Variants in CDH18 observed in about 807,000 individuals in gnomAD.
The protein encoded by CDH18 is cadherin-18.
A neutral mutation model predicts 67.9 loss-of-function variants in CDH18; 31 were observed. The observed-to-expected ratio is 0.46, with a 90% CI of 0.34 to 0.62. The LOEUF (loss-of-function observed/expected upper bound fraction) is 0.62. CDH18 is among the 20% of genes least tolerant of loss of function. CDH18 has a pLI of 0.01. For missense variants in CDH18, 890 were observed against 975.5 expected (o/e 0.91, Z 1.17); for synonymous variants, 362 against 347.2 (o/e 1.04, Z -0.48).
intron 2 of CDH18, among the ~76,000 whole-genome samples, chr5:19,909,566 CATGAGCCA>C (rs1450682083): frequency 6.6e-6 from 1 of 151,972 alleles, no homozygotes; most frequent in Non-Finnish European, 1.5e-5. Context: ...CCCAAAGTGG[CATGAGCCA>C]CCACGCCCAG....
intron 2 of CDH18, among the ~76,000 whole-genome samples, chr5:20,079,312 GA>G: frequency 6.6e-6 from 1 of 152,188 alleles, no homozygotes; most frequent in South Asian, 2.1e-4. Context: ...GAGACCATAT[GA>G]TATTTGTCTC....
At chr5:19,675,090 G>A (rs942877351) in intron 5 of CDH18, among the ~76,000 whole-genome samples, 22 of 152,162 alleles carry the variant, frequency 1.4e-4, no homozygotes, top group African/African-American at 4.6e-4. Flanking sequence ...CCCCTGAGCC[G>A]TAAAACCAGC....
chr5:20,245,759 T>C lies in CDH18; in HGVS notation c.-518+9685A>G, dbSNP rs187310302. ...CACAATAAAAACCTGTAGAGCACTA[T>C]TGTAGCACAGAAATCCTTAGTATTT... is the stretch of plus-strand genomic sequence containing the variant. On this transcript the variant is annotated intron_variant, in intron 2 of 14. Transcript: ENST00000507958. Among the ~76,000 whole-genome samples, 343 of 152,230 alleles carry C rather than the reference T, an allele frequency of 2.3e-3. 3 individuals are homozygous for C. The highest frequency in any genetic ancestry group is 7.6e-3 in the African/African-American group (317 of 41,580).
In CDH18 at chr5:20,281,564, T is replaced by C. The variant is rs542800082; in HGVS notation, c.-579-26059A>G. On this transcript the variant is annotated intron_variant, in intron 1 of 14. Transcript: ENST00000507958. ...AGGGCTCTGTTCTTTTCCATTGGTC[T>C]ATATCTCTGTTTTGGTACCAGTACC... 1.6e-4 allele frequency among the ~76,000 whole-genome samples: 25 copies of C among 152,296 alleles called. 1 individual carries two copies. In the East Asian group the frequency reaches 2.5e-3, roughly 15 times the overall value.
At chr5:19,699,266 A>G (rs78379711) in intron 5 of CDH18, among the ~76,000 whole-genome samples, 1 of 152,136 alleles carries the variant, frequency 6.6e-6, no homozygotes, top group Non-Finnish European at 1.5e-5. Flanking sequence ...GTCTTATTCA[A>G]TGTTCCCAAA....
At chr5:20,491,891 G>A (rs1753607469) in intron 1 of CDH18, among the ~76,000 whole-genome samples, 2 of 151,746 alleles carry the variant, frequency 1.3e-5, no homozygotes, top group African/African-American at 4.8e-5. Context: ...TTAAATTATG[G>A]GCCTTTTCTT....
At chr5:20,011,939 A>G (rs762571287) in intron 2 of CDH18, among the ~76,000 whole-genome samples, 1 of 152,108 alleles carries the variant, frequency 6.6e-6, no homozygotes, top group Admixed American at 6.6e-5. Context: ...GTATCAGAAT[A>G]ATACTGGGCT....
intron 5 of CDH18, among the ~76,000 whole-genome samples, chr5:19,656,204 A>G (rs1273359090): frequency 6.6e-6 from 1 of 151,982 alleles, no homozygotes; most frequent in East Asian, 1.9e-4. Flanking sequence ...AACTCTTTTC[A>G]GTATTTTAAC....
chr5:20,408,051 T>C (rs1375640891), intron 1 of CDH18, among the ~76,000 whole-genome samples: 2 of 152,040 alleles, frequency 1.3e-5, no homozygotes, highest in Admixed American at 6.6e-5. Context: ...GGAATCTCCA[T>C]AACAATATCA....
chr5:19,969,610 C>T lies in CDH18; in HGVS notation c.-257+11450G>A, dbSNP rs551188246. Among the ~76,000 whole-genome samples, 269 of 150,232 alleles carry T rather than the reference C, an allele frequency of 1.8e-3. 1 individual carries two copies. The highest frequency in any genetic ancestry group is 6.2e-3 in the African/African-American group (251 of 40,660). On this transcript the variant is annotated intron_variant, in intron 2 of 12. Coordinates refer to ENST00000382275, the MANE Select transcript of CDH18 (RefSeq NM_004934.5). ...ATCACAAGGACAAAAAACCAAACGC[C>T]GCATGTTCTCACTCATAGGTGGGAA...
At chr5:20,093,628 TA>T (rs1374337260) in intron 2 of CDH18, among the ~76,000 whole-genome samples, 27 of 152,276 alleles carry the variant, frequency 1.8e-4, no homozygotes, top group Admixed American at 9.2e-4. Context: ...AATAAAGGTA[TA>T]AAACTAAATT....
chr5:19,996,597 C>T (rs1326929927), intron 2 of CDH18, among the ~76,000 whole-genome samples: 1 of 151,944 alleles, frequency 6.6e-6, no homozygotes, highest in East Asian at 1.9e-4. Context: ...TCTAACAATA[C>T]CATTTTCTTC....
chr5:19,891,237 T>C (rs1330739908), intron 2 of CDH18, among the ~76,000 whole-genome samples: 1 of 152,104 alleles, frequency 6.6e-6, no homozygotes, highest in Non-Finnish European at 1.5e-5. Context: ...CAAAATAAAA[T>C]GTGCTGATTT....
intron 1 of CDH18, among the ~76,000 whole-genome samples, chr5:20,466,413 C>T (rs1349169226): frequency 6.6e-6 from 1 of 152,060 alleles, no homozygotes; most frequent in East Asian, 1.9e-4. Context: ...GCAGCCTTGC[C>T]GTGCTGTTTG....
At chr5:19,971,591 A>G (rs957354082) in intron 2 of CDH18, among the ~76,000 whole-genome samples, 1 of 152,028 alleles carries the variant, frequency 6.6e-6, no homozygotes, top group Admixed American at 6.6e-5. Flanking sequence ...GAAACCTACT[A>G]TATGAAAGCC....
intron 3 of CDH18, among the ~76,000 whole-genome samples, chr5:19,828,353 C>G (rs1391839605): frequency 6.6e-6 from 1 of 150,962 alleles, no homozygotes; most frequent in Non-Finnish European, 1.5e-5. Context: ...TGGACTTCTC[C>G]CTAACTCAGT....
intron 1 of CDH18, among the ~76,000 whole-genome samples, chr5:20,510,600 G>T (rs987428517): frequency 1.3e-5 from 2 of 151,968 alleles, no homozygotes; most frequent in African/African-American, 2.4e-5. Flanking sequence ...GAAAAAATGT[G>T]GGATTCTATC....
At chr5:20,303,108 G>A (rs188060840) in intron 1 of CDH18, among the ~76,000 whole-genome samples, 8 of 152,258 alleles carry the variant, frequency 5.3e-5, no homozygotes, top group Admixed American at 2.6e-4. Context: ...GTTTCCTAGT[G>A]AATTCACACG....
chr5:19,692,602 T>C (rs1305619472), intron 5 of CDH18, among the ~76,000 whole-genome samples: 1 of 151,848 alleles, frequency 6.6e-6, no homozygotes, highest in African/African-American at 2.4e-5. Context: ...TAAAACGATA[T>C]GCAAATGGCC....
Sources: allele counts gnomAD v4.1 joint callset (sites outside exome capture counted in the v4.1 genomes callset), GRCh38; gene constraint gnomAD v4.1.1; transcripts MANE v1.5; gene names NCBI Gene and HGNC (gene_info 2026-07-23, HGNC 2026-07-21).